The following MLPH variants were observed in gnomAD, a reference collection of about 807,000 sequenced individuals.
The protein encoded by MLPH is melanophilin.
MLPH carries 51 observed loss-of-function variants against 72.1 expected under a neutral mutation model. The observed-to-expected ratio is 0.71, with a 90% CI of 0.56 to 0.89. MLPH has a LOEUF of 0.89. Among genes scored for constraint, MLPH ranks in the 40% least tolerant of loss-of-function variants. The pLI, the probability that MLPH is intolerant of heterozygous loss-of-function variation, is 0.00. For missense variants in MLPH, 743 were observed against 759.9 expected (o/e 0.98, Z 0.26); for synonymous variants, 301 against 310.1 (o/e 0.97, Z 0.31).
At chr2:237,551,860 TC>T (rs1303921364) in intron 14 of MLPH, among the ~76,000 whole-genome samples, 3 of 151,934 alleles carry the variant, frequency 2.0e-5, no homozygotes, top group African/African-American at 7.3e-5. Context: ...GAACCTGTAG[TC>T]CCAGCTACTT....
rs779679607 is a variant in MLPH at position 237,540,504 on chromosome 2, G to C, written c.1261G>C (p.Val421Leu). ...GGCAGAGCCCAACAGGGACAAATCAGTTGGGCCTCTCCCCCAGGCGGACCC... is the reference window on the plus strand; with the variant it reads ...GGCAGAGCCCAACAGGGACAAATCACTTGGGCCTCTCCCCCAGGCGGACCC... ...EKAEPNRDKS[V>L]GPLPQADPEV... The change falls in exon 10 of 16, where the codon GTT becomes CTT. Residue 421 changes from valine (V) to leucine (L), a missense_variant. By Grantham distance (32) the Val-to-Leu change is conservative. Coordinates refer to ENST00000264605, the MANE Select transcript of MLPH (RefSeq NM_024101.7). 1.2e-6 allele frequency: 2 copies of C among 1,612,478 alleles called. No homozygotes were observed. The highest frequency in any genetic ancestry group is 1.3e-5 in the African/African-American group (1 of 74,996).
chr2:237,490,370 G>A (rs983525289), intron 1 of MLPH, among the ~76,000 whole-genome samples: 4 of 152,152 alleles, frequency 2.6e-5, no homozygotes, highest in African/African-American at 9.7e-5. Context: ...GGGATAGAAT[G>A]GGGGAGGGAC....
In MLPH at chr2:237,554,548, A is replaced by T. The variant is rs1160279021; in HGVS notation, c.*956A>T. The T allele has an allele frequency of 1.3e-5, 2 of 152,844 alleles. No homozygotes were observed. Among genetic ancestry groups the T allele is most frequent in the African/African-American group, 2.4e-5 (1 of 41,442 alleles). The allele number at this position is 152,844 out of a possible 1,614,324, so 9.5% of individuals were successfully genotyped here. On this transcript the variant is annotated 3_prime_UTR_variant, in exon 16 of 16. Transcript: ENST00000264605. ...GTGTGCCCCATCCAGTTTTAAGTGG[A>T]GCCCTCCAAGACTCTCCAGAGCTGC... is the stretch of plus-strand genomic sequence containing the variant.
Position 237,542,634 on chromosome 2 carries a change from A to C in MLPH, c.1514A>C (p.Lys505Thr). The C allele has an allele frequency of 6.3e-7, 1 of 1,585,812 alleles. No homozygotes were observed. Among genetic ancestry groups the C allele is most frequent in the African/African-American group, 1.3e-5 (1 of 74,136 alleles). ...AAGLTVKPSGKPRRKSNLPIF... is the reference protein window; with the variant it reads ...AAGLTVKPSGTPRRKSNLPIF... Reference sequence around the variant, plus strand: ...GGGCTCACGGTGAAGCCCTCGGGAAAGCCCCGGAGGAAGTCAAACCTCCCG... The same window carrying C: ...GGGCTCACGGTGAAGCCCTCGGGAACGCCCCGGAGGAAGTCAAACCTCCCG... Residue 505 changes from lysine to threonine, a missense_variant, in exon 12 of 16, where the codon AAG becomes ACG. By Grantham distance (78) the Lys-to-Thr change is moderately conservative (BLOSUM62 -1). Coordinates refer to ENST00000264605, the MANE Select transcript of MLPH (RefSeq NM_024101.7).
chr2:237,489,278 C>T (rs1349085657), intron 1 of MLPH, among the ~76,000 whole-genome samples: 1 of 152,230 alleles, frequency 6.6e-6, no homozygotes, highest in Non-Finnish European at 1.5e-5. Context: ...TTACCACCAA[C>T]TCCCCAGAGA....
chr2:237,545,793 T>C (rs888530668), intron 12 of MLPH: 11 of 439,168 alleles, frequency 2.5e-5, no homozygotes, highest in African/African-American at 1.7e-4. Flanking sequence ...CCCAGTTAGC[T>C]CTAAATTTCA....
At chr2:237,502,541 G>A (rs998304496) in intron 2 of MLPH, among the ~76,000 whole-genome samples, 3 of 152,170 alleles carry the variant, frequency 2.0e-5, no homozygotes, top group Non-Finnish European at 4.4e-5. Context: ...CTGTGGTTAT[G>A]GTAGAAATTA....
chr2:237,491,710 A>G (rs1266329764), intron 1 of MLPH, among the ~76,000 whole-genome samples: 2 of 152,176 alleles, frequency 1.3e-5, no homozygotes, highest in Non-Finnish European at 2.9e-5. Context: ...TTGGTGGTGA[A>G]GTTCTCCCTG....
At position 237,510,900 on chromosome 2, in the gene MLPH, CGTGTGTGT is replaced by C. The variant is rs71887544; in HGVS notation, c.333-71_333-64del. On this transcript the variant is annotated intron_variant, in intron 3 of 15. Coordinates refer to ENST00000264605, the MANE Select transcript of MLPH (RefSeq NM_024101.7). This position sits in a 1 kb window ranked among gnomAD's most constrained non-coding sequence, Gnocchi z 4.4. ...GGGTGGACGCACACATGCACACACT[CGTGTGTGT>C]GTGTGTGTGTGTGTGTGAGATTTAT... 10 of 1,319,526 alleles carry C rather than the reference CGTGTGTGT, an allele frequency of 7.6e-6. No homozygotes were observed. The highest frequency in any genetic ancestry group is 5.2e-5 in the Admixed American group (3 of 57,784). The allele number at this position is 1,319,526 out of a possible 1,614,324, so 81.7% of individuals were successfully genotyped here.
In MLPH at chr2:237,514,242, G is replaced by C. The variant is rs536372459; in HGVS notation, c.445+3141G>C. Among the ~76,000 whole-genome samples the C allele has an allele frequency of 1.6e-4, 25 of 152,088 alleles. No individual in the cohort carries two copies. The South Asian group carries it at 5.0e-3, about 30-fold the overall frequency. On this transcript the variant is annotated intron_variant, in intron 4 of 15. Coordinates refer to ENST00000264605, the MANE Select transcript of MLPH (RefSeq NM_024101.7). The stretch of plus-strand genomic sequence containing the variant: ...TTATGACCTAAAGTCAAACAAGGAA[G>C]GTCAGATAATTTCTTTTTTTATTTT...
chr2:237,531,331 C>T (rs796769076), intron 8 of MLPH, among the ~76,000 whole-genome samples: 3 of 110,600 alleles, frequency 2.7e-5, no homozygotes, highest in African/African-American at 6.9e-5. Flanking sequence ...TAGAGACCTC[C>T]CCAGTGTGGC....
At chr2:237,535,157 G>T (rs948980145) in intron 9 of MLPH, among the ~76,000 whole-genome samples, 1 of 152,164 alleles carries the variant, frequency 6.6e-6, no homozygotes, top group Non-Finnish European at 1.5e-5. Context: ...GGTGGCATCT[G>T]GTGAGGGCCT....
In MLPH at chr2:237,540,491, C is replaced by A. The variant is rs767501322; in HGVS notation, c.1248C>A (p.Asn416Lys). The change falls in exon 10 of 16, where the codon AAC (asparagine) becomes AAA (lysine). Residue 416 changes from asparagine (N) to lysine (K), a missense_variant. Physicochemically the swap from Asn to Lys is moderately conservative, Grantham distance 94 (BLOSUM62 0). Transcript: ENST00000264605. The stretch of plus-strand genomic sequence containing the variant: ...CCAAGGACGAAAAGGCAGAGCCCAA[C>A]AGGGACAAATCAGTTGGGCCTCTCC... The part of the protein sequence containing the change: ...EEAKDEKAEP[N>K]RDKSVGPLPQ... 22 of 1,612,902 alleles carry A rather than the reference C, an allele frequency of 1.4e-5. No homozygotes were observed. Among genetic ancestry groups the A allele is most frequent in the Non-Finnish European group, 1.7e-5 (20 of 1,179,950 alleles).
intron 2 of MLPH, among the ~76,000 whole-genome samples, chr2:237,496,805 G>A (rs949966978): frequency 5.3e-5 from 8 of 152,218 alleles, no homozygotes; most frequent in Non-Finnish European, 1.2e-4. Flanking sequence ...AGTGAGCAGA[G>A]AGGCAGTGCT....
rs2079919999 is a variant in MLPH at position 237,512,207 on chromosome 2, G to C, written c.445+1106G>C. 6.6e-6 allele frequency among the ~76,000 whole-genome samples: 1 copy of C among 152,234 alleles called. No individual in the cohort carries two copies. The highest frequency in any genetic ancestry group is 2.4e-5 in the African/African-American group (1 of 41,448). ...GCGTCTCCCCCAGGCCTTCCTTCTG[G>C]AGAGACACCTTATTCGTGCCTGTCT... is the stretch of plus-strand genomic sequence containing the variant. On this transcript the variant is annotated intron_variant, in intron 4 of 15. Coordinates refer to ENST00000264605, the MANE Select transcript of MLPH (RefSeq NM_024101.7). The surrounding 1 kb of genome is among the most constrained non-coding windows in gnomAD (Gnocchi z 5.5).
At chr2:237,516,378 G>A (rs1231368258) in intron 4 of MLPH, among the ~76,000 whole-genome samples, 1 of 152,190 alleles carries the variant, frequency 6.6e-6, no homozygotes, top group Non-Finnish European at 1.5e-5. Flanking sequence ...TGAGGAAGGA[G>A]CCCTGGGGGG....
chr2:237,496,300 G>A (rs2079534384), intron 2 of MLPH, among the ~76,000 whole-genome samples: 1 of 152,168 alleles, frequency 6.6e-6, no homozygotes, highest in Non-Finnish European at 1.5e-5. Context: ...TGGGGCCTGG[G>A]GGTCCCGGAC....
At chr2:237,508,425 A>G (rs756846260) in intron 2 of MLPH, among the ~76,000 whole-genome samples, 21 of 152,044 alleles carry the variant, frequency 1.4e-4, no homozygotes, top group Non-Finnish European at 2.9e-4. Context: ...TTCTTTTTCA[A>G]TGAAGGATCT....
At chr2:237,486,530 G>T (rs2079322100), upstream of MLPH, 1 of 152,254 alleles carries the variant, frequency 6.6e-6, no homozygotes, top group Non-Finnish European at 1.5e-5. Context: ...CAGGAGAAGA[G>T]CGCAGCGGCG....
Sources: allele counts gnomAD v4.1 joint callset (sites outside exome capture counted in the v4.1 genomes callset), GRCh38; gene constraint gnomAD v4.1.1; non-coding constraint Gnocchi (gnomAD v3.1); transcripts MANE v1.5; gene names NCBI Gene and HGNC (gene_info 2026-07-23, HGNC 2026-07-21).